SPG11: variants seen among roughly 807,000 people sequenced by gnomAD.
SPG11 encodes SPG11 vesicle trafficking associated, spatacsin, also known as spatacsin.
In SPG11, 222 loss-of-function variants were observed where a neutral mutation model predicts 274.0. That is an observed-to-expected ratio of 0.81 (90% confidence interval 0.73 to 0.91). The LOEUF (loss-of-function observed/expected upper bound fraction) is 0.91. Ranked by LOEUF, SPG11 falls within the 40% of genes least tolerant of loss-of-function variation. SPG11 has a pLI of 0.00. For missense variants in SPG11, 3,114 were observed against 2,872.7 expected, an observed-to-expected ratio of 1.08 and a Z score of -1.92; for synonymous variants, 1,144 against 1,039.7, an observed-to-expected ratio of 1.10 and a Z score of -1.93.
At chr15:44,600,664 T>A (rs367826643) in intron 20 of SPG11, 32 bp from the exon 21 acceptor site, 10 of 1,598,896 alleles carry the variant, frequency 6.3e-6, no homozygotes, top group Non-Finnish European at 7.7e-6. Flanking sequence ...ATTAATTATC[T>A]GTATATCACC....
At chr15:44,626,630 G>A (rs2083908172) in intron 10 of SPG11, 123 bp from the exon 11 acceptor site, 2 of 1,029,040 alleles carry the variant, frequency 1.9e-6, no homozygotes, top group South Asian at 2.9e-5. Context: ...TCTATTACTA[G>A]ATTTGGAGTT....
At chr15:44,589,468 C>G in intron 27 of SPG11, 54 bp from the exon 28 acceptor site, 1 of 1,606,176 alleles carries the variant, frequency 6.2e-7, no homozygotes, top group Non-Finnish European at 8.5e-7. Flanking sequence ...AATAGCAAAT[C>G]AAAACCTCCA....
At chr15:44,647,512 C>A (rs1262433869) in intron 7 of SPG11, among the ~76,000 whole-genome samples, 1 of 152,098 alleles carries the variant, frequency 6.6e-6, no homozygotes, top group African/African-American at 2.4e-5. Flanking sequence ...TGGAGACAAC[C>A]CAAATGTCCA....
At chr15:44,608,349 A>C in intron 19 of SPG11, 95 bp downstream of exon 19, 2 of 1,342,754 alleles carry the variant, frequency 1.5e-6, no homozygotes, top group Non-Finnish European at 2.1e-6. Flanking sequence ...GTAATTCCCT[A>C]CATTAAATGC....
chr15:44,626,347 T>A lies in SPG11; in HGVS notation c.2228A>T (p.Glu743Val). ...ACCACTCACCATATTCTTCAAAAGTTCAGAGGCTTCCTTTATATTGTTCTT... is the reference window on the plus strand; with the variant it reads ...ACCACTCACCATATTCTTCAAAAGTACAGAGGCTTCCTTTATATTGTTCTT... ...LKKNNIKEAS[E>V]LLKNMGFDVK... Residue 743 changes from glutamate to valine, a missense_variant, in exon 11 of 40, where the codon GAA becomes GTA. Glu to Val is a moderately radical substitution (Grantham distance 121). Coordinates refer to ENST00000261866, the MANE Select transcript of SPG11 (RefSeq NM_025137.4). 1.2e-6 allele frequency: 2 copies of A among 1,612,414 alleles called. No homozygotes were observed. The highest frequency in any genetic ancestry group is 4.5e-5 in the East Asian group (2 of 44,798).
At position 44,663,415 on chromosome 15, in the gene SPG11, C is replaced by A; in HGVS notation, c.233G>T (p.Cys78Phe). Residue 78 changes from cysteine (C) to phenylalanine (F), a missense_variant, in exon 1 of 40, where the codon TGC becomes TTC. Physicochemically the swap from Cys to Phe is radical, Grantham distance 205 (BLOSUM62 -2). Transcript: ENST00000261866. The part of the protein sequence containing the change: ...LTPGSRGGGR[C>F]CLEGPFWHFL... Reference sequence around the variant, plus strand: ...CTGCCAGAAGGGGCCCTCCAGGCAGCAGCGACCCCCGCCCCGGCTGCCAGG... The same window carrying A: ...CTGCCAGAAGGGGCCCTCCAGGCAGAAGCGACCCCCGCCCCGGCTGCCAGG... 6.2e-7 allele frequency: 1 copy of A among 1,606,728 alleles called. No individual in the cohort carries two copies. Among genetic ancestry groups the A allele is most frequent in the South Asian group, 1.1e-5 (1 of 89,972 alleles).
chr15:44,655,957 G>A (rs571207239), intron 4 of SPG11, among the ~76,000 whole-genome samples: 4 of 151,938 alleles, frequency 2.6e-5, no homozygotes, highest in African/African-American at 7.3e-5. Context: ...TAATATTTCC[G>A]GAACACAACT....
chr15:44,654,812 GACA>G (rs1409368748), intron 4 of SPG11, among the ~76,000 whole-genome samples: 10 of 150,974 alleles, frequency 6.6e-5, no homozygotes, highest in Non-Finnish European at 5.9e-5. Context: ...CTCCATCCCG[GACA>G]ACAAGAGCGA....
At chr15:44,608,682 T>C in intron 18 of SPG11, 77 bp from the exon 19 acceptor site, 1 of 1,406,126 alleles carries the variant, frequency 7.1e-7, no homozygotes, top group Non-Finnish European at 9.8e-7. Context: ...ACAAGAACCT[T>C]GTGAAACAAG....
At chr15:44,569,562 G>A in intron 34 of SPG11, 57 bp from the exon 35 acceptor site, 1 of 1,292,872 alleles carries the variant, frequency 7.7e-7, no homozygotes, top group Non-Finnish European at 1.1e-6. Flanking sequence ...AGTTCTCTGA[G>A]CCAGACAACT....
rs375406836 is a variant in SPG11 at position 44,615,605 on chromosome 15, C to T, written c.2835-39G>A. 3.5e-4 allele frequency: 558 copies of T among 1,596,436 alleles called. 2 individuals are homozygous for T. In the Middle Eastern group the frequency reaches 3.6e-3, roughly 10 times the overall value. ...TATAGGATGTCAAGTTAAAAAGTTG[C>T]TATGTTCAGAGTAGACCAAATCATG... On this transcript the variant is annotated intron_variant, in intron 15 of 39. Coordinates refer to ENST00000261866, the MANE Select transcript of SPG11 (RefSeq NM_025137.4).
At chr15:44,600,366 C>G in intron 21 of SPG11, 101 bp downstream of exon 21, 2 of 1,327,756 alleles carry the variant, frequency 1.5e-6, no homozygotes, top group South Asian at 1.2e-5. Context: ...CTCACTGCTT[C>G]CTTGAACTCC....
rs758146508 is a variant in SPG11 at position 44,563,190 on chromosome 15, A to G, written c.7263T>C (p.Tyr2421=). 1.2e-6 allele frequency: 2 copies of G among 1,614,078 alleles called. No homozygotes were observed. Among genetic ancestry groups the G allele is most frequent in the African/African-American group, 2.7e-5 (2 of 74,952 alleles). The change falls in exon 40 of 40, where the codon TAT becomes TAC. Residue 2421 remains tyrosine (Y), a synonymous_variant. Coordinates refer to ENST00000261866, the MANE Select transcript of SPG11 (RefSeq NM_025137.4). ...CCTTCAGAAGCACATTTACAATTTC[A>G]TAAAACTTGTGTTCGTATGCCAACT... ...YYKLAYEHKF[Y]EIVNVLLKDP... is the part of the protein sequence containing the mutation.
At chr15:44,595,219 T>A (rs760195433) in intron 26 of SPG11, 40 bp downstream of exon 26, 10 of 1,587,474 alleles carry the variant, frequency 6.3e-6, no homozygotes, top group Non-Finnish European at 8.7e-6. Flanking sequence ...GCTGAAGTAA[T>A]CTCTTAAGCT....
At chr15:44,630,268 A>G (rs1018578292) in intron 8 of SPG11, among the ~76,000 whole-genome samples, 2 of 152,168 alleles carry the variant, frequency 1.3e-5, no homozygotes, top group African/African-American at 4.8e-5. Flanking sequence ...GAGATGTATG[A>G]GAATTATGGG....
At chr15:44,587,722 G>GAAA (rs2082803751) in intron 28 of SPG11, among the ~76,000 whole-genome samples, 1 of 122,304 alleles carries the variant, frequency 8.2e-6, no homozygotes, top group African/African-American at 3.4e-5. Flanking sequence ...AAAAAAAAAC[G>GAAA]TATTCCTGTT....
At chr15:44,658,032 G>A (rs560021250) in intron 3 of SPG11, among the ~76,000 whole-genome samples, 2 of 151,938 alleles carry the variant, frequency 1.3e-5, no homozygotes, top group African/African-American at 4.8e-5. Flanking sequence ...CTCAGGAGAA[G>A]AAAAAAAATC....
intron 19 of SPG11, 81 bp downstream of exon 19, chr15:44,608,363 C>G: frequency 2.7e-6 from 4 of 1,466,920 alleles, no homozygotes; most frequent in Non-Finnish European, 3.8e-6. Flanking sequence ...TAAATGCCCT[C>G]CGGTTGAAAG....
At chr15:44,632,668 C>T (rs2084105629) in intron 8 of SPG11, among the ~76,000 whole-genome samples, 1 of 151,936 alleles carries the variant, frequency 6.6e-6, no homozygotes, top group African/African-American at 2.4e-5. Flanking sequence ...TCATCATGCC[C>T]AACTAATTTT....
Sources: allele counts gnomAD v4.1 joint callset (sites outside exome capture counted in the v4.1 genomes callset), GRCh38; gene constraint gnomAD v4.1.1; transcripts MANE v1.5; gene names NCBI Gene and HGNC (gene_info 2026-07-23, HGNC 2026-07-21).